Variants in ADGRG2 observed in about 807,000 individuals in gnomAD.
The protein encoded by ADGRG2 is G protein-coupled receptor 64.
ADGRG2 carries 26 observed loss-of-function variants against 74.1 expected under a neutral mutation model. The observed-to-expected ratio is 0.35, with a 90% CI of 0.26 to 0.49. The LOEUF (loss-of-function observed/expected upper bound fraction) is 0.49. Among genes scored for constraint, ADGRG2 ranks in the 20% least tolerant of loss-of-function variants. The pLI, the probability that ADGRG2 is intolerant of heterozygous loss-of-function variation, is 0.99. For synonymous variants in ADGRG2, 296 were observed against 295.2 expected, an observed-to-expected ratio of 1.00 and a Z score of -0.03; for missense variants, 619 against 763.1, an observed-to-expected ratio of 0.81 and a Z score of 2.22.
intron 10 of ADGRG2, 50 bp downstream of exon 10, chrX:19,028,133 A>G: frequency 1.5e-6 from 1 of 651,020 alleles, no homozygotes; most frequent in South Asian, 2.5e-5. Context: ...GTTTAAATAT[A>G]AATGAATTTG....
intron 2 of ADGRG2, 81 bp from the exon 3 acceptor site, chrX:19,068,916 C>G: frequency 2.2e-6 from 1 of 457,587 alleles, no homozygotes; most frequent in East Asian, 3.8e-5. Context: ...CATTCCTCAA[C>G]CAAGGCAACC....
chrX:19,053,327 A>C (rs2061355761), intron 3 of ADGRG2, among the ~76,000 whole-genome samples: 1 of 111,069 alleles, frequency 9.0e-6, no homozygotes, highest in Non-Finnish European at 1.9e-5. Context: ...AGATCCTACT[A>C]AGGTAAAAGT....
rs148770396 is a variant in ADGRG2 at position 19,047,138 on chromosome X, T to C, written c.119-6914A>G. ...AGTTATAGCTGCCGATCACAGCAGA[T>C]AGATGCCTTAACAGGTCTTACAAAT... On this transcript the variant is annotated intron_variant, in intron 3 of 28. Transcript: ENST00000379869. 6.7e-3 allele frequency among the ~76,000 whole-genome samples: 752 copies of C among 112,143 alleles called. 4 individuals carry two copies. Among genetic ancestry groups the C allele is most frequent in the African/African-American group, 0.022 (687 of 30,880 alleles).
chrX:19,039,757 G>A (rs2061017748), intron 4 of ADGRG2, among the ~76,000 whole-genome samples: 1 of 111,981 alleles, frequency 8.9e-6, no homozygotes, highest in African/African-American at 3.2e-5. Context: ...TGAGTGCTGG[G>A]CCCTTAGAAT....
At chrX:19,010,069 A>G (rs2060321850) in intron 17 of ADGRG2, among the ~76,000 whole-genome samples, 1 of 109,023 alleles carries the variant, frequency 9.2e-6, no homozygotes, top group African/African-American at 3.3e-5. Context: ...TCGGCCTCCC[A>G]AAATGTTGGG....
intron 12 of ADGRG2, among the ~76,000 whole-genome samples, chrX:19,023,703 T>C: frequency 8.9e-6 from 1 of 112,040 alleles, no homozygotes; most frequent in Middle Eastern, 4.6e-3. Context: ...ACTCTTGGTG[T>C]TACATGAAGG....
Position 18,994,939 on chromosome X carries a change from T to C in ADGRG2, c.2826A>G (p.Thr942=). 2.5e-6 allele frequency: 3 copies of C among 1,202,378 alleles called. No homozygotes were observed. Among genetic ancestry groups the C allele is most frequent in the Non-Finnish European group, 3.4e-6 (3 of 887,402 alleles). ...QSSSNSTNST[T]LLVNNDCSVH... ...CTGAGCAATCATTATTCACTAGCAGTGTGGTGGAGTTAGTGGAGTTACTGC... is the reference window on the plus strand; with the variant it reads ...CTGAGCAATCATTATTCACTAGCAGCGTGGTGGAGTTAGTGGAGTTACTGC... The change falls in exon 28 of 29, where the codon ACA becomes ACG. Residue 942 remains threonine (T), a synonymous_variant. Coordinates refer to ENST00000379869, the MANE Select transcript of ADGRG2 (RefSeq NM_001079858.3).
At chrX:19,037,198 A>G (rs1038699495) in intron 6 of ADGRG2, among the ~76,000 whole-genome samples, 2 of 112,157 alleles carry the variant, frequency 1.8e-5, no homozygotes, top group African/African-American at 6.5e-5. Flanking sequence ...AAGGGAATGG[A>G]TAATTCAAAA....
chrX:18,999,295 GGGGGGAAACA>G lies in ADGRG2; in HGVS notation c.2331-26_2331-17del. The G allele has an allele frequency of 8.6e-7, 1 of 1,161,089 alleles. No homozygotes were observed. Among genetic ancestry groups the G allele is most frequent in the Non-Finnish European group, 1.2e-6 (1 of 864,538 alleles). On this transcript the variant is annotated splice_polypyrimidine_tract_variant and intron_variant, in intron 25 of 28. Coordinates refer to ENST00000379869, the MANE Select transcript of ADGRG2 (RefSeq NM_001079858.3). Reference sequence around the variant, plus strand: ...GATCCAGCAGCTGGAGTTTGTGGAGGGGGGGAAACAGGGGAAAACATATTATAGTAATGAA... The same window carrying G: ...GATCCAGCAGCTGGAGTTTGTGGAGGGGGGAAAACATATTATAGTAATGAA...
At chrX:19,081,963 C>T (rs1053510088) in intron 2 of ADGRG2, among the ~76,000 whole-genome samples, 2 of 107,034 alleles carry the variant, frequency 1.9e-5, no homozygotes, top group African/African-American at 3.4e-5. Context: ...GTCCCAGTTA[C>T]TCAGGAGGCT....
intron 1 of ADGRG2, among the ~76,000 whole-genome samples, chrX:19,113,116 G>A (rs1238471342): frequency 1.8e-5 from 2 of 108,484 alleles, no homozygotes; most frequent in Admixed American, 1.0e-4. Flanking sequence ...GGTGGCTCAC[G>A]CCTGTAATCT....
At chrX:19,112,063 AATT>A (rs746582476) in intron 1 of ADGRG2, among the ~76,000 whole-genome samples, 4 of 108,412 alleles carry the variant, frequency 3.7e-5, no homozygotes, top group East Asian at 2.9e-4. Flanking sequence ...ATCTAAAGGG[AATT>A]ATTATTATTA....
At position 19,082,087 on chromosome X, in the gene ADGRG2, A is replaced by AAG. The variant is rs1443556184; in HGVS notation, c.-2+614_-2+615insCT. On this transcript the variant is annotated intron_variant, in intron 2 of 28. Coordinates refer to ENST00000379869, the MANE Select transcript of ADGRG2 (RefSeq NM_001079858.3). Reference sequence around the variant, plus strand: ...GACCCTGTCTCAAAAAAAAAAAAAAAAAAAAAAAAAGAAAAGAAAGAAAGA... The same window carrying AAG: ...GACCCTGTCTCAAAAAAAAAAAAAAAAGAAAAAAAAAAGAAAAGAAAGAAAGA... 3.7e-5 allele frequency among the ~76,000 whole-genome samples: 4 copies of AAG among 107,879 alleles called. 1 individual carries two copies. Among genetic ancestry groups the AAG allele is most frequent in the East Asian group, 5.7e-4 (2 of 3,512 alleles). 93.7% of individuals were successfully genotyped at this position (107,879 alleles called of 115,157 possible).
chrX:19,048,834 T>C (rs1254927551), intron 3 of ADGRG2, among the ~76,000 whole-genome samples: 4 of 112,356 alleles, frequency 3.6e-5, no homozygotes, highest in Non-Finnish European at 5.6e-5. Flanking sequence ...TTCCGAAGGC[T>C]GGTAGCTTCT....
chrX:19,079,025 G>A (rs895256125), intron 2 of ADGRG2, among the ~76,000 whole-genome samples: 9 of 111,285 alleles, frequency 8.1e-5, no homozygotes, highest in African/African-American at 1.3e-4. Context: ...CAATAATTTT[G>A]AAACTCTAGA....
chrX:19,042,533 T>C (rs769173984), intron 3 of ADGRG2, among the ~76,000 whole-genome samples: 12 of 111,667 alleles, frequency 1.1e-4, no homozygotes, highest in Non-Finnish European at 2.1e-4. Context: ...AGGGGGCTGA[T>C]TTGAGTTTCA....
intron 18 of ADGRG2, 48 bp downstream of exon 18, chrX:19,009,578 C>A: frequency 9.2e-7 from 1 of 1,083,014 alleles, no homozygotes; most frequent in Non-Finnish European, 1.3e-6. Flanking sequence ...ATGGGGACTA[C>A]AATCACACAC....
At chrX:19,036,616 A>C (rs756200544) in intron 6 of ADGRG2, among the ~76,000 whole-genome samples, 1 of 94,705 alleles carries the variant, frequency 1.1e-5, no homozygotes, top group African/African-American at 3.8e-5. Context: ...TCATACTTAA[A>C]ACACACACAC....
intron 13 of ADGRG2, 126 bp downstream of exon 13, chrX:19,023,290 A>G: frequency 4.7e-6 from 2 of 427,411 alleles, no homozygotes; most frequent in Admixed American, 9.2e-5. Flanking sequence ...TTAAATCCAA[A>G]ATGTCATTAA....
Sources: allele counts gnomAD v4.1 joint callset (sites outside exome capture counted in the v4.1 genomes callset), GRCh38; gene constraint gnomAD v4.1.1; transcripts MANE v1.5; gene names NCBI Gene and HGNC (gene_info 2026-07-23, HGNC 2026-07-21).